ZNF716: variants seen among roughly 807,000 people sequenced by gnomAD.
ZNF716 encodes the protein zinc finger protein 716.
In ZNF716, 9 loss-of-function variants were observed where a neutral mutation model predicts 13.4. The ratio of observed to expected loss-of-function variants is 0.67; its 90% CI spans 0.41 to 1.18. The LOEUF is 1.18. Among genes scored for constraint, ZNF716 ranks in the 50% most tolerant of loss-of-function variants. The pLI, the probability that ZNF716 is intolerant of heterozygous loss-of-function variation, is 0.01. For synonymous variants in ZNF716, 186 were observed against 195.2 expected, an observed-to-expected ratio of 0.95 and a Z score of 0.39; for missense variants, 581 against 576.6, an observed-to-expected ratio of 1.01 and a Z score of -0.08.
In ZNF716 at chr7:57,469,615, G is replaced by A; in HGVS notation, c.1154G>A (p.Cys385Tyr). Reference protein sequence around the residue: ...TGEKPYTCEECGKAFSLPSTF... With the variant: ...TGEKPYTCEEYGKAFSLPSTF... ...GAGAAACCCTACACTTGTGAAGAAT[G>A]TGGCAAAGCCTTTAGCTTACCCTCA... The change falls in exon 4 of 4, where the codon TGT becomes TAT. Residue 385 changes from cysteine (C) to tyrosine (Y), a missense_variant. Transcript: ENST00000420713. The A allele has an allele frequency of 1.2e-6, 2 of 1,612,962 alleles. No individual in the cohort carries two copies. Among genetic ancestry groups the A allele is most frequent in the African/African-American group, 1.3e-5 (1 of 74,676 alleles).
intron 3 of ZNF716, among the ~76,000 whole-genome samples, chr7:57,464,828 G>A (rs1789777364): frequency 1.3e-5 from 2 of 152,020 alleles, no homozygotes; most frequent in Admixed American, 1.3e-4. Flanking sequence ...CTGTTGAAGG[G>A]ATTTTATTTT....
chr7:57,458,118 T>C (rs1395579776), intron 1 of ZNF716, among the ~76,000 whole-genome samples: 2 of 152,238 alleles, frequency 1.3e-5, no homozygotes, highest in Non-Finnish European at 1.5e-5. Flanking sequence ...AATAAAAATA[T>C]GTGTGCATGT....
At chr7:57,455,716 C>T (rs879987260) in intron 1 of ZNF716, among the ~76,000 whole-genome samples, 13 of 152,022 alleles carry the variant, frequency 8.6e-5, no homozygotes, top group South Asian at 2.1e-4. Context: ...CAGGATTTCA[C>T]CATGTTGGCC....
At chr7:57,463,222 G>A in intron 3 of ZNF716, 54 bp downstream of exon 3, 1 of 1,593,734 alleles carries the variant, frequency 6.3e-7, no homozygotes, top group Non-Finnish European at 8.5e-7. Flanking sequence ...AAAAGTCAAG[G>A]AGGAAGCCAG....
In ZNF716 at chr7:57,463,061, T is replaced by G. The variant is rs1554323411; in HGVS notation, c.167-12T>G. The G allele has an allele frequency of 6.2e-6, 10 of 1,607,148 alleles. No individual in the cohort carries two copies. Among genetic ancestry groups the G allele is most frequent in the Non-Finnish European group, 7.6e-6 (9 of 1,179,348 alleles). Reference sequence around the variant, plus strand: ...CCAGATTTATGTTACTTTTTTTTCCTTAATAAAACAGGTATTGCTGTCTCT... The same window carrying G: ...CCAGATTTATGTTACTTTTTTTTCCGTAATAAAACAGGTATTGCTGTCTCT... On this transcript the variant is annotated splice_polypyrimidine_tract_variant and intron_variant, in intron 2 of 3. Transcript: ENST00000420713.
intron 1 of ZNF716, among the ~76,000 whole-genome samples, chr7:57,451,805 G>A (rs1229448455): frequency 1.5e-5 from 2 of 135,260 alleles, no homozygotes; most frequent in African/African-American, 5.6e-5. Flanking sequence ...CTCACTCTGT[G>A]GCCCAGGCTG....
At chr7:57,466,426 C>G (rs1789816608) in intron 3 of ZNF716, among the ~76,000 whole-genome samples, 1 of 152,012 alleles carries the variant, frequency 6.6e-6, no homozygotes, top group Non-Finnish European at 1.5e-5. Flanking sequence ...AGACAAATCC[C>G]TCATGAATGA....
At chr7:57,466,266 A>G (rs557095910) in intron 3 of ZNF716, among the ~76,000 whole-genome samples, 2 of 152,258 alleles carry the variant, frequency 1.3e-5, no homozygotes, top group Admixed American at 1.3e-4. Context: ...TGTGTGTCCA[A>G]CCGCAATATT....
intron 1 of ZNF716, among the ~76,000 whole-genome samples, chr7:57,460,284 A>G (rs183085648): frequency 1.5e-4 from 23 of 151,202 alleles, no homozygotes; most frequent in Non-Finnish European, 3.1e-4. Context: ...AGTCTCAGCT[A>G]CTCAGGGGGC....
Position 57,473,283 on chromosome 7 carries a change from C to T in ZNF716, c.*3334C>T, listed in dbSNP as rs192846206. 1.3e-5 allele frequency: 2 copies of T among 152,162 alleles called. No homozygotes were observed. Among genetic ancestry groups the T allele is most frequent in the East Asian group, 3.9e-4 (2 of 5,166 alleles). 9.4% of individuals were successfully genotyped at this position (152,162 alleles called of 1,614,324 possible). A position where few individuals can be genotyped will look rare whatever the true frequency, so the allele number is the denominator to read the frequency against. On this transcript the variant is annotated 3_prime_UTR_variant, in exon 4 of 4. Transcript: ENST00000420713. ...CAGTGGCTCCCAGCATTTTGGGAGC[C>T]TGAGGTGGGAGGATCATTTGAGGTT...
In ZNF716 at chr7:57,462,480, C is replaced by T; in HGVS notation, c.60C>T (p.Asp20=). Reference sequence around the variant, plus strand: ...TTTAGGGACTGTTGACATTCAGAGACATAGCTATAGAATTTTCTCTGGCGG... The same window carrying T: ...TTTAGGGACTGTTGACATTCAGAGATATAGCTATAGAATTTTCTCTGGCGG... ...SREMGLLTFR[D]IAIEFSLAEW... Residue 20 remains aspartate, a synonymous_variant, in exon 2 of 4, where the codon GAC becomes GAT. Transcript: ENST00000420713. 2 of 1,613,774 alleles carry T rather than the reference C, an allele frequency of 1.2e-6. No homozygotes were observed. Among genetic ancestry groups the T allele is most frequent in the Non-Finnish European group, 1.7e-6 (2 of 1,179,930 alleles).
Position 57,462,831 on chromosome 7 carries a change from A to G in ZNF716, c.167-242A>G, listed in dbSNP as rs540192046. On this transcript the variant is annotated intron_variant, in intron 2 of 3. Transcript: ENST00000420713. The stretch of plus-strand genomic sequence containing the variant: ...AATTCCAAAACTGTCGTGGCATAAA[A>G]TATCATTGCCCACAATTTAGAATTC... 6.2e-4 allele frequency among the ~76,000 whole-genome samples: 94 copies of G among 152,320 alleles called. No homozygotes were observed. The South Asian group carries it at 0.019, about 31-fold the overall frequency.
At chr7:57,460,443 C>T (rs1305558891) in intron 1 of ZNF716, among the ~76,000 whole-genome samples, 2 of 148,504 alleles carry the variant, frequency 1.3e-5, no homozygotes, top group Non-Finnish European at 3.0e-5. Context: ...TTTTGGAATG[C>T]CATGTGTTCG....
In ZNF716 at chr7:57,450,321, A is replaced by C. The variant is rs781870804; in HGVS notation, c.33A>C (p.Arg11=). The change falls in exon 1 of 4, where the codon CGA becomes CGC. Residue 11 remains arginine (R), a synonymous_variant. Transcript: ENST00000420713. The part of the protein sequence containing the change: MAKRPGPPGS[R]EMGLLTFRDI... ...AAAGACCGGGACCCCCTGGAAGCCGAGAAATGGTGAGTGCTGGGTCTGTCA... is the reference window on the plus strand; with the variant it reads ...AAAGACCGGGACCCCCTGGAAGCCGCGAAATGGTGAGTGCTGGGTCTGTCA... 5.0e-6 allele frequency: 8 copies of C among 1,613,712 alleles called. No individual in the cohort carries two copies. Among genetic ancestry groups the C allele is most frequent in the Admixed American group, 1.7e-5 (1 of 59,988 alleles).
chr7:57,462,488 T>C lies in ZNF716; in HGVS notation c.68T>C (p.Ile23Thr), dbSNP rs1156322233. The change falls in exon 2 of 4, where the codon ATA becomes ACA. Residue 23 changes from isoleucine to threonine, a missense_variant. Physicochemically the swap from Ile to Thr is moderately conservative, Grantham distance 89. Coordinates refer to ENST00000420713, the MANE Select transcript of ZNF716 (RefSeq NM_001159279.1). The stretch of plus-strand genomic sequence containing the variant: ...CTGTTGACATTCAGAGACATAGCTA[T>C]AGAATTTTCTCTGGCGGAATGGCAA... ...MGLLTFRDIA[I>T]EFSLAEWQCL... The C allele has an allele frequency of 1.2e-6, 2 of 1,613,854 alleles. No individual in the cohort carries two copies. The highest frequency in any genetic ancestry group is 2.7e-5 in the African/African-American group (2 of 74,904).
At chr7:57,453,673 G>A (rs1789535768) in intron 1 of ZNF716, among the ~76,000 whole-genome samples, 1 of 152,140 alleles carries the variant, frequency 6.6e-6, no homozygotes, top group Non-Finnish European at 1.5e-5. Flanking sequence ...ATTACCAAGG[G>A]AGAGAATATG....
intron 3 of ZNF716, among the ~76,000 whole-genome samples, chr7:57,466,738 A>G (rs1554324202): frequency 6.6e-6 from 1 of 151,968 alleles, no homozygotes; most frequent in Non-Finnish European, 1.5e-5. Flanking sequence ...TTAATACACT[A>G]TATTATGTTC....
At chr7:57,458,606 A>G (rs1789647501) in intron 1 of ZNF716, among the ~76,000 whole-genome samples, 1 of 152,046 alleles carries the variant, frequency 6.6e-6, no homozygotes, top group Admixed American at 6.5e-5. Context: ...TGTTTTTAGT[A>G]CAGACGGGGT....
Position 57,471,129 on chromosome 7 carries a change from A to G in ZNF716, c.*1180A>G, listed in dbSNP as rs1178920616. The G allele has an allele frequency of 1.3e-5, 2 of 152,102 alleles. No homozygotes were observed. The highest frequency in any genetic ancestry group is 4.8e-5 in the African/African-American group (2 of 41,432). 9.4% of individuals were successfully genotyped at this position (152,102 alleles called of 1,614,324 possible). A position where few individuals can be genotyped will look rare whatever the true frequency, so the allele number is the denominator to read the frequency against. On this transcript the variant is annotated 3_prime_UTR_variant, in exon 4 of 4. Transcript: ENST00000420713. ...CAGAAAGTTTATACTTAACAAAAGCATTATAGGCTAGATGTGGTGGCTCAT... is the reference window on the plus strand; with the variant it reads ...CAGAAAGTTTATACTTAACAAAAGCGTTATAGGCTAGATGTGGTGGCTCAT...
Sources: allele counts gnomAD v4.1 joint callset (sites outside exome capture counted in the v4.1 genomes callset), GRCh38; gene constraint gnomAD v4.1.1; transcripts MANE v1.5; gene names NCBI Gene and HGNC (gene_info 2026-07-23, HGNC 2026-07-21).